The following MTUS1 variants were observed in gnomAD, a reference collection of about 807,000 sequenced individuals.
The protein encoded by MTUS1 is microtubule-associated tumor suppressor 1.
Under a neutral mutation model 120.8 loss-of-function variants are expected in MTUS1, and 109 were observed. That is an observed-to-expected ratio of 0.90 (90% confidence interval 0.77 to 1.06). The LOEUF is 1.06. Among genes scored for constraint, MTUS1 ranks in the 50% least tolerant of loss-of-function variants. MTUS1 has a pLI of 0.00. For missense variants in MTUS1, 2,210 were observed against 1,486.3 expected, an observed-to-expected ratio of 1.49 and a Z score of -8.01; for synonymous variants, 737 against 550.5, an observed-to-expected ratio of 1.34 and a Z score of -4.74.
chr8:17,665,965 G>A (rs1045031723), intron 8 of MTUS1, among the ~76,000 whole-genome samples: 7 of 152,134 alleles, frequency 4.6e-5, no homozygotes, highest in African/African-American at 1.2e-4. Flanking sequence ...GGTACCAGCC[G>A]GGCCTCCCCT....
At chr8:17,791,028 A>G (rs1050167537) in intron 1 of MTUS1, among the ~76,000 whole-genome samples, 2 of 152,188 alleles carry the variant, frequency 1.3e-5, no homozygotes, top group African/African-American at 4.8e-5. Flanking sequence ...CAATGTATAG[A>G]AAATCCTGGC....
At chr8:17,790,284 G>T (rs544672529) in intron 1 of MTUS1, among the ~76,000 whole-genome samples, 72 of 151,260 alleles carry the variant, frequency 4.8e-4, no homozygotes, top group African/African-American at 1.7e-3. Flanking sequence ...GGAGGCAGAG[G>T]TTGCCATGAG....
chr8:17,718,496 G>C (rs1053643395), intron 4 of MTUS1, among the ~76,000 whole-genome samples: 1 of 152,118 alleles, frequency 6.6e-6, no homozygotes, highest in African/African-American at 2.4e-5. Flanking sequence ...GGAATAGACA[G>C]TGCATTTGCC....
chr8:17,668,923 AT>A (rs1458104755), intron 8 of MTUS1, among the ~76,000 whole-genome samples: 2 of 152,222 alleles, frequency 1.3e-5, no homozygotes, highest in African/African-American at 2.4e-5. Context: ...ATAGAAAAAC[AT>A]TTGTGCATAA....
intron 8 of MTUS1, among the ~76,000 whole-genome samples, chr8:17,659,555 G>A (rs537001342): frequency 3.3e-5 from 5 of 152,106 alleles, no homozygotes; most frequent in East Asian, 3.9e-4. Context: ...TTAGCTGGGC[G>A]TGGTGGTGTG....
intron 2 of MTUS1, among the ~76,000 whole-genome samples, chr8:17,747,407 T>C (rs1263408780): frequency 6.6e-6 from 1 of 152,082 alleles, no homozygotes; most frequent in African/African-American, 2.4e-5. Context: ...AGCACAGCAG[T>C]CTACTCACAC....
At position 17,755,011 on chromosome 8, in the gene MTUS1, C is replaced by T. The variant is rs1420141877; in HGVS notation, c.797G>A (p.Cys266Tyr). 6 of 1,613,938 alleles carry T rather than the reference C, an allele frequency of 3.7e-6. No homozygotes were observed. The African/African-American group carries it at 5.3e-5, about 14-fold the overall frequency. ...CTCACTGGTGACCTTTCCTGAAGAA[C>T]ATGCACACTGATTTCCAATATCTGA... Reference protein sequence around the residue: ...FVSDIGNQCACSSGKVTSEYT... With the variant: ...FVSDIGNQCAYSSGKVTSEYT... Residue 266 changes from cysteine to tyrosine, a missense_variant, in exon 2 of 15, where the codon TGT becomes TAT. Transcript: ENST00000693296.
At chr8:17,667,897 C>T (rs918714988) in intron 8 of MTUS1, among the ~76,000 whole-genome samples, 1 of 152,126 alleles carries the variant, frequency 6.6e-6, no homozygotes, top group Non-Finnish European at 1.5e-5. Context: ...ACCAAACACA[C>T]GATGTTGTTA....
intron 8 of MTUS1, among the ~76,000 whole-genome samples, chr8:17,656,715 C>G (rs187350504): frequency 7.8e-4 from 119 of 152,114 alleles, no homozygotes; most frequent in African/African-American, 2.7e-3. Flanking sequence ...AGCGACTCCT[C>G]CCTCTCCCAG....
At chr8:17,740,529 T>G (rs766650644) in intron 3 of MTUS1, among the ~76,000 whole-genome samples, 1 of 152,248 alleles carries the variant, frequency 6.6e-6, no homozygotes, top group South Asian at 2.1e-4. Flanking sequence ...TTTCTGCTCC[T>G]TGATTTTTCT....
chr8:17,674,692 C>G, intron 8 of MTUS1: 6 of 987,714 alleles, frequency 6.1e-6, no homozygotes, highest in Non-Finnish European at 7.2e-6. Flanking sequence ...ATCAGCCCCC[C>G]TCCAAATAGT....
intron 6 of MTUS1, chr8:17,697,624 C>A: frequency 8.0e-7 from 1 of 1,247,770 alleles, no homozygotes; most frequent in Admixed American, 3.6e-5. Context: ...TGAATACAAT[C>A]TCCCTCCTGC....
chr8:17,698,404 A>C (rs10086927), intron 6 of MTUS1, among the ~76,000 whole-genome samples: 1,711 of 152,288 alleles, frequency 0.011, 34 homozygotes, highest in African/African-American at 0.039. Context: ...AGAACTTGAA[A>C]AACAAAGATA....
intron 2 of MTUS1, among the ~76,000 whole-genome samples, chr8:17,751,527 T>G (rs1294331031): frequency 6.6e-6 from 1 of 151,652 alleles, no homozygotes; most frequent in African/African-American, 2.4e-5. Context: ...AGAGGTAAAC[T>G]AGCAAAATTA....
intron 3 of MTUS1, among the ~76,000 whole-genome samples, chr8:17,730,952 T>C (rs948465165): frequency 3.3e-5 from 5 of 152,050 alleles, no homozygotes; most frequent in South Asian, 2.1e-4. Context: ...ATTTAAAAAA[T>C]TGTTAAAATG....
At chr8:17,653,402 C>A in intron 11 of MTUS1, 23 bp downstream of exon 11, 1 of 1,573,226 alleles carries the variant, frequency 6.4e-7, no homozygotes, top group Non-Finnish European at 8.7e-7. Flanking sequence ...GTGGGGGATA[C>A]TGGGATATTG....
rs756490751 is a variant in MTUS1, at chr8:17,656,043, C to T, written c.2928G>A (p.Glu976=). 5 of 1,614,162 alleles carry T rather than the reference C, an allele frequency of 3.1e-6. No individual in the cohort carries two copies. In the South Asian group the frequency reaches 5.5e-5, roughly 18 times the overall value. Residue 976 remains glutamate (E), a synonymous_variant, in exon 9 of 15, where the codon GAG becomes GAA. Coordinates refer to ENST00000693296, the MANE Select transcript of MTUS1 (RefSeq NM_001363059.2). ...ACTCATTCCTGGCTTTTTCTAATTTCTCACAGGTGGTTGAAGCAGTGACTG... is the reference window on the plus strand; with the variant it reads ...ACTCATTCCTGGCTTTTTCTAATTTTTCACAGGTGGTTGAAGCAGTGACTG... ...GELVTASTTC[E]KLEKARNELQ...
chr8:17,673,057 G>A (rs1812344623), intron 8 of MTUS1, among the ~76,000 whole-genome samples: 1 of 152,154 alleles, frequency 6.6e-6, no homozygotes, highest in Non-Finnish European at 1.5e-5. Context: ...CTTCCACTGG[G>A]TTATAATGAA....
intron 8 of MTUS1, among the ~76,000 whole-genome samples, chr8:17,658,536 T>G (rs1231556250): frequency 1.3e-5 from 2 of 152,176 alleles, no homozygotes; most frequent in Admixed American, 6.5e-5. Flanking sequence ...GCAGACAGGG[T>G]ACTACTGTAA....
Sources: allele counts gnomAD v4.1 joint callset (sites outside exome capture counted in the v4.1 genomes callset), GRCh38; gene constraint gnomAD v4.1.1; transcripts MANE v1.5; gene names NCBI Gene and HGNC (gene_info 2026-07-23, HGNC 2026-07-21).